ANKFN1: variants seen among roughly 807,000 people sequenced by gnomAD.
The protein encoded by ANKFN1 is ankyrin repeat and fibronectin type-III domain-containing protein 1.
ANKFN1 carries 74 observed loss-of-function variants against 108.7 expected under a neutral mutation model. The ratio of observed to expected loss-of-function variants is 0.68; its 90% confidence interval spans 0.56 to 0.83. The LOEUF is 0.83. Among genes scored for constraint, ANKFN1 ranks in the 40% least tolerant of loss-of-function variants. ANKFN1 has a pLI of 0.00. For missense variants in ANKFN1, 1,505 were observed against 1,382.3 expected (o/e 1.09, Z -1.41); for synonymous variants, 547 against 516.2 (o/e 1.06, Z -0.81).
chr17:56,498,744 C>A, intron 19 of ANKFN1, 138 bp from the exon 20 acceptor site: 4 of 707,880 alleles, frequency 5.7e-6, no homozygotes, highest in East Asian at 2.7e-5. Flanking sequence ...TCTGGCTTAA[C>A]AAATCTATGT....
At chr17:56,458,207 A>G (rs2049779668) in intron 14 of ANKFN1, among the ~76,000 whole-genome samples, 2 of 152,248 alleles carry the variant, frequency 1.3e-5, no homozygotes, top group Admixed American at 6.5e-5. Flanking sequence ...TCTCTTGAAC[A>G]GTATATAGGA....
intron 1 of ANKFN1, among the ~76,000 whole-genome samples, chr17:56,168,838 G>C (rs940754698): frequency 6.6e-6 from 1 of 152,220 alleles, no homozygotes. Flanking sequence ...CTTTAGAGGG[G>C]TAGAGGCTAT....
chr17:56,331,695 C>T (rs1335984387), intron 4 of ANKFN1, among the ~76,000 whole-genome samples: 1 of 152,178 alleles, frequency 6.6e-6, no homozygotes, highest in Admixed American at 6.5e-5. Context: ...GGTTAGCTAA[C>T]CTCTCTGGGC....
chr17:56,071,136 A>G (rs1352049121), intron 4 of ANKFN1, among the ~76,000 whole-genome samples: 1 of 152,158 alleles, frequency 6.6e-6, no homozygotes, highest in Non-Finnish European at 1.5e-5. Context: ...TCTATATTTG[A>G]CATAGAAACT....
At chr17:56,442,778 C>A (rs749504197) in intron 9 of ANKFN1, 65 bp from the exon 10 acceptor site, 1 of 1,420,926 alleles carries the variant, frequency 7.0e-7, no homozygotes, top group Non-Finnish European at 9.9e-7. Flanking sequence ...AAATTCTATA[C>A]CCATAGAGTC....
At chr17:56,487,851 CA>C (rs1439668716) in intron 18 of ANKFN1, among the ~76,000 whole-genome samples, 1 of 152,024 alleles carries the variant, frequency 6.6e-6, no homozygotes, top group African/African-American at 2.4e-5. Context: ...AAAAGGCAGG[CA>C]GAAAAGGAAA....
At chr17:56,460,450 C>G (rs1232452149) in intron 14 of ANKFN1, among the ~76,000 whole-genome samples, 1 of 146,670 alleles carries the variant, frequency 6.8e-6, no homozygotes, top group East Asian at 1.9e-4. Flanking sequence ...AAGACCTTGT[C>G]TAAAAATAAA....
At chr17:56,371,540 A>G (rs2046810186) in intron 6 of ANKFN1, among the ~76,000 whole-genome samples, 1 of 152,230 alleles carries the variant, frequency 6.6e-6, no homozygotes, top group Non-Finnish European at 1.5e-5. Context: ...CCCACCCACC[A>G]GGGAGAAATA....
intron 19 of ANKFN1, among the ~76,000 whole-genome samples, chr17:56,497,320 T>C (rs1235996876): frequency 6.6e-6 from 1 of 152,116 alleles, no homozygotes; most frequent in Non-Finnish European, 1.5e-5. Context: ...CTGACCAAGC[T>C]AAAAAAGCCT....
At chr17:56,072,396 G>A (rs752265808) in intron 4 of ANKFN1, among the ~76,000 whole-genome samples, 3 of 151,976 alleles carry the variant, frequency 2.0e-5, no homozygotes, top group Non-Finnish European at 2.9e-5. Flanking sequence ...TTACACAAGT[G>A]TAATCAACAC....
At chr17:56,383,482 A>C (rs1027757236) in intron 8 of ANKFN1, among the ~76,000 whole-genome samples, 3 of 152,178 alleles carry the variant, frequency 2.0e-5, no homozygotes, top group Non-Finnish European at 4.4e-5. Flanking sequence ...CTAAAATCAG[A>C]GCAGAACTGA....
intron 1 of ANKFN1, among the ~76,000 whole-genome samples, chr17:56,199,785 C>T (rs892019207): frequency 3.3e-5 from 5 of 152,088 alleles, no homozygotes; most frequent in African/African-American, 1.2e-4. Context: ...GTGTCCCATG[C>T]AATCTTTGGA....
intron 3 of ANKFN1, among the ~76,000 whole-genome samples, chr17:56,274,392 G>C (rs756221395): frequency 6.6e-6 from 1 of 152,142 alleles, no homozygotes; most frequent in Non-Finnish European, 1.5e-5. Context: ...AGAATGGCGT[G>C]AACCCGGGAG....
At chr17:56,408,478 G>A (rs1306048965) in intron 8 of ANKFN1, among the ~76,000 whole-genome samples, 1 of 152,020 alleles carries the variant, frequency 6.6e-6, no homozygotes, top group Non-Finnish European at 1.5e-5. Flanking sequence ...AATGGTGGAC[G>A]CTCTTATGCG....
chr17:56,271,494 T>G (rs1457625593), intron 3 of ANKFN1, among the ~76,000 whole-genome samples: 1 of 152,182 alleles, frequency 6.6e-6, no homozygotes, highest in Admixed American at 6.5e-5. Context: ...TACATAAGCT[T>G]AAGAAGCCAG....
chr17:56,189,562 GC>G (rs1912673836), intron 1 of ANKFN1, among the ~76,000 whole-genome samples: 1 of 152,322 alleles, frequency 6.6e-6, no homozygotes. Context: ...GGTCAGAAGT[GC>G]AGGTGATAAC....
intron 8 of ANKFN1, among the ~76,000 whole-genome samples, chr17:56,406,407 T>C (rs1390342656): frequency 3.3e-5 from 5 of 152,122 alleles, no homozygotes; most frequent in Admixed American, 1.3e-4. Context: ...TCTGTAACCA[T>C]AGAGGGTGAA....
At chr17:56,368,052 A>G in intron 6 of ANKFN1, 1 of 522,330 alleles carries the variant, frequency 1.9e-6, no homozygotes, top group Non-Finnish European at 2.9e-6. Context: ...AGTTGAAAAT[A>G]GCCCCATTCT....
rs1369141113 is a variant in ANKFN1 at position 56,059,179 on chromosome 17, T to C, written c.288+12854T>C. The stretch of plus-strand genomic sequence containing the variant: ...GTGGTTTTGATTTGCATTTTTCTAA[T>C]GATCAGTGATGTTGAGCTTTTTTTC... On this transcript the variant is annotated intron_variant, in intron 4 of 12. Coordinates refer to the ANKFN1 transcript ENST00000635860. Among the ~76,000 whole-genome samples, 3 of 152,340 alleles carry C rather than the reference T, an allele frequency of 2.0e-5. No homozygotes were observed. The East Asian group carries it at 5.8e-4, about 29-fold the overall frequency.
Sources: allele counts gnomAD v4.1 joint callset (sites outside exome capture counted in the v4.1 genomes callset), GRCh38; gene constraint gnomAD v4.1.1; transcripts MANE v1.5; gene names NCBI Gene and HGNC (gene_info 2026-07-23, HGNC 2026-07-21).